Variants in GPHN observed in about 807,000 individuals in gnomAD.
GPHN encodes the protein gephyrin.
A neutral mutation model predicts 95.5 loss-of-function variants in GPHN; 17 were observed. The ratio of observed to expected loss-of-function variants is 0.18; its 90% confidence interval spans 0.12 to 0.27. The LOEUF (loss-of-function observed/expected upper bound fraction) is 0.27. Ranked by LOEUF, GPHN falls within the 10% of genes least tolerant of loss-of-function variation. GPHN has a pLI of 1.00. For synonymous variants in GPHN, 320 were observed against 322.5 expected (o/e 0.99, Z 0.08); for missense variants, 660 against 978.1 (o/e 0.67, Z 4.34).
chr14:67,051,573 T>A (rs1166787308), intron 10 of GPHN, among the ~76,000 whole-genome samples: 1 of 152,054 alleles, frequency 6.6e-6, no homozygotes, highest in South Asian at 2.1e-4. Context: ...CCTAGCAAGA[T>A]AGGCCAACAT....
At chr14:67,361,975 C>G in the GPHN span, among the ~76,000 whole-genome samples, 2 of 150,282 alleles carry the variant, frequency 1.3e-5, no homozygotes, top group Non-Finnish European at 3.0e-5. Context: ...GTTTGTTTCC[C>G]ACTCTATACT....
the GPHN span, chr14:67,695,554 C>G: frequency 6.8e-7 from 1 of 1,461,264 alleles, no homozygotes; most frequent in Non-Finnish European, 9.4e-7. Flanking sequence ...TCCAAGAAAG[C>G]TTTGGTGGGG....
At chr14:66,956,639 T>C (rs1241505329) in intron 8 of GPHN, among the ~76,000 whole-genome samples, 3 of 152,064 alleles carry the variant, frequency 2.0e-5, no homozygotes, top group Non-Finnish European at 4.4e-5. Flanking sequence ...TGGCCAGTGA[T>C]GATGAGCATT....
At chr14:66,517,932 TAAAC>T (rs1343560993) in intron 1 of GPHN, among the ~76,000 whole-genome samples, 2 of 151,274 alleles carry the variant, frequency 1.3e-5, no homozygotes, top group Non-Finnish European at 3.0e-5. Context: ...AAAGCAAAAA[TAAAC>T]AAGTGGATTA....
intron 4 of GPHN, among the ~76,000 whole-genome samples, chr14:66,837,594 TAAA>T (rs1596085722): frequency 7.2e-6 from 1 of 138,994 alleles, no homozygotes; most frequent in Non-Finnish European, 1.5e-5. Flanking sequence ...TAAAGTATAA[TAAA>T]AATAAATAAA....
At chr14:66,899,205 T>A (rs772343168) in intron 5 of GPHN, among the ~76,000 whole-genome samples, 6 of 151,514 alleles carry the variant, frequency 4.0e-5, no homozygotes, top group Non-Finnish European at 8.9e-5. Flanking sequence ...AATCACATCA[T>A]CTGCAAATAG....
chr14:67,616,216 C>CTTT, the GPHN span: 77 of 174,528 alleles, frequency 4.4e-4, 1 homozygote, highest in Middle Eastern at 3.0e-3. Flanking sequence ...TGTACACTGT[C>CTTT]TTTTTTTTTT....
intron 5 of GPHN, among the ~76,000 whole-genome samples, chr14:66,897,605 G>T (rs1284275808): frequency 6.6e-6 from 1 of 152,014 alleles, no homozygotes; most frequent in African/African-American, 2.4e-5. Flanking sequence ...TTTGGGATTG[G>T]TTTCTTCCAT....
At chr14:66,700,790 G>A (rs991116323) in intron 2 of GPHN, among the ~76,000 whole-genome samples, 2 of 152,246 alleles carry the variant, frequency 1.3e-5, no homozygotes, top group Middle Eastern at 6.8e-3. Flanking sequence ...GGGCGTGGTG[G>A]CGTGCGCCTA....
chr14:67,465,386 C>T, the GPHN span, among the ~76,000 whole-genome samples: 2 of 128,890 alleles, frequency 1.6e-5, no homozygotes, highest in South Asian at 4.6e-4. Context: ...AGGGCTGGGG[C>T]AGAGGCGAGA....
In GPHN at chr14:66,772,898, C is replaced by T. The variant is rs374727919; in HGVS notation, c.144-3566C>T. On this transcript the variant is annotated intron_variant, in intron 2 of 22. Transcript: ENST00000478722. ...ACAATTATACAGATACCGTTTGCCC[C>T]AATGTTGAAGTTTATCCTAGATATG... Among the ~76,000 whole-genome samples the T allele has an allele frequency of 4.5e-4, 68 of 152,256 alleles. No individual in the cohort carries two copies. The Middle Eastern group carries it at 0.01, about 23-fold the overall frequency.
chr14:66,917,343 A>G (rs1313569628), intron 6 of GPHN, among the ~76,000 whole-genome samples: 16 of 152,226 alleles, frequency 1.1e-4, no homozygotes, highest in Admixed American at 1.0e-3. Flanking sequence ...GATTCCAAAA[A>G]TAAGAGTGGT....
chr14:67,275,587 T>G, the GPHN span, among the ~76,000 whole-genome samples: 2 of 152,174 alleles, frequency 1.3e-5, no homozygotes, highest in Non-Finnish European at 2.9e-5. Flanking sequence ...TTCTCTTTTT[T>G]TTGTTGTGTC....
At chr14:67,160,263 T>C (rs182282957) in intron 19 of GPHN, among the ~76,000 whole-genome samples, 3 of 152,280 alleles carry the variant, frequency 2.0e-5, no homozygotes, top group Admixed American at 2.0e-4. Context: ...CTTCCTTAGG[T>C]TATGTTCCTC....
At chr14:67,183,217 G>T (rs1022329389), downstream of GPHN, among the ~76,000 whole-genome samples, 5 of 152,296 alleles carry the variant, frequency 3.3e-5, no homozygotes, top group Admixed American at 1.3e-4. Flanking sequence ...TGCTTGTCAT[G>T]TATTAAGCTC....
At chr14:66,575,066 T>A (rs2060849682) in intron 1 of GPHN, among the ~76,000 whole-genome samples, 1 of 152,184 alleles carries the variant, frequency 6.6e-6, no homozygotes, top group Admixed American at 6.5e-5. Flanking sequence ...TATATATACA[T>A]CCTATTGATT....
At chr14:67,409,990 T>C in the GPHN span, among the ~76,000 whole-genome samples, 4 of 152,022 alleles carry the variant, frequency 2.6e-5, no homozygotes, top group African/African-American at 9.7e-5. Flanking sequence ...TGCCTCAGGG[T>C]CAGGCTCCAT....
At chr14:67,442,183 G>A in the GPHN span, among the ~76,000 whole-genome samples, 6 of 152,074 alleles carry the variant, frequency 3.9e-5, no homozygotes, top group African/African-American at 1.2e-4. Context: ...AGAGGCATAA[G>A]TGCCTAAGCG....
At chr14:66,725,846 A>G (rs1370447621) in intron 2 of GPHN, among the ~76,000 whole-genome samples, 1 of 152,242 alleles carries the variant, frequency 6.6e-6, no homozygotes, top group East Asian at 1.9e-4. Context: ...GAGTCACAAG[A>G]TAGTCATGTA....
Sources: allele counts gnomAD v4.1 joint callset (sites outside exome capture counted in the v4.1 genomes callset), GRCh38; gene constraint gnomAD v4.1.1; transcripts MANE v1.5; gene names NCBI Gene and HGNC (gene_info 2026-07-23, HGNC 2026-07-21).